The following COL25A1 variants were observed in gnomAD, a reference collection of about 807,000 sequenced individuals.
The protein encoded by COL25A1 is collagen type XXV alpha 1 chain, also known as collagen alpha-1(XXV) chain.
A neutral mutation model predicts 128.4 loss-of-function variants in COL25A1; 103 were observed. The ratio of observed to expected loss-of-function variants is 0.80; its 90% CI spans 0.68 to 0.94. The LOEUF (loss-of-function observed/expected upper bound fraction) is 0.94, where lower values mean the gene tolerates loss of function less well. Among genes scored for constraint, COL25A1 ranks in the 40% least tolerant of loss-of-function variants. The probability of loss-of-function intolerance (pLI) is 0.00; values close to 1 mark genes in which losing one functional copy is unlikely to be tolerated. For missense variants in COL25A1, 745 were observed against 840.0 expected (o/e 0.89, Z 1.40); for synonymous variants, 279 against 277.2 (o/e 1.01, Z -0.06).
chr4:108,944,015 C>T (rs1407115122), intron 8 of COL25A1, among the ~76,000 whole-genome samples: 2 of 152,126 alleles, frequency 1.3e-5, no homozygotes, highest in African/African-American at 4.8e-5. Context: ...CCCCCACATT[C>T]CTCATATTAG....
chr4:109,138,001 T>TGTGTGTGTGA (rs1769972641), intron 3 of COL25A1, among the ~76,000 whole-genome samples: 2 of 151,924 alleles, frequency 1.3e-5, no homozygotes, highest in African/African-American at 2.4e-5. Flanking sequence ...TGTGTGTGTG[T>TGTGTGTGTGA]GTGTGTGTGT....
chr4:108,844,425 A>G, intron 30 of COL25A1, 94 bp downstream of exon 30: 2 of 1,607,482 alleles, frequency 1.2e-6, no homozygotes, highest in Non-Finnish European at 1.7e-6. Flanking sequence ...GTAGTACAAA[A>G]TACAAGCTGG....
intron 33 of COL25A1, among the ~76,000 whole-genome samples, chr4:108,825,470 G>A: frequency 6.6e-6 from 1 of 152,192 alleles, no homozygotes; most frequent in South Asian, 2.1e-4. Flanking sequence ...TAAGTTATCA[G>A]TCCAGGAGTT....
rs141177422 is a variant in COL25A1, at chr4:109,105,139, C to T, written c.368-54960G>A. Among the ~76,000 whole-genome samples the T allele has an allele frequency of 2.0e-5, 3 of 152,104 alleles. No individual in the cohort carries two copies. In the South Asian group the frequency reaches 6.2e-4, roughly 32 times the overall value. On this transcript the variant is annotated intron_variant, in intron 3 of 37. Coordinates refer to ENST00000399132, the MANE Select transcript of COL25A1 (RefSeq NM_198721.4). ...GGATAAATTATTTTGTGAAGCTACT[C>T]TAAATACTTTTGCATTTGTTTTTAT...
intron 3 of COL25A1, among the ~76,000 whole-genome samples, chr4:109,083,396 C>T (rs1046571520): frequency 6.8e-6 from 1 of 147,568 alleles, no homozygotes; most frequent in Admixed American, 6.9e-5. Flanking sequence ...TCTTTAACTG[C>T]TATTTAGTAT....
chr4:109,152,969 G>C (rs964328674), intron 3 of COL25A1, among the ~76,000 whole-genome samples: 1 of 152,088 alleles, frequency 6.6e-6, no homozygotes. Flanking sequence ...GGTGATGGTT[G>C]CATGACAACC....
At chr4:108,940,402 T>C (rs1430353913) in intron 10 of COL25A1, 137 bp downstream of exon 10, 1 of 756,646 alleles carries the variant, frequency 1.3e-6, no homozygotes, top group East Asian at 2.5e-5. Flanking sequence ...ACTCCACTCA[T>C]CATCCCACTT....
chr4:109,112,706 C>G (rs970981586), intron 3 of COL25A1, among the ~76,000 whole-genome samples: 7 of 151,974 alleles, frequency 4.6e-5, no homozygotes, highest in African/African-American at 1.7e-4. Context: ...ATGTTTAAGA[C>G]AACCTGAAAA....
At chr4:109,185,810 C>T (rs926338217) in intron 3 of COL25A1, among the ~76,000 whole-genome samples, 2 of 152,150 alleles carry the variant, frequency 1.3e-5, no homozygotes, top group Admixed American at 6.5e-5. Flanking sequence ...CTTTCTTCCT[C>T]TCTCTCCCTC....
intron 3 of COL25A1, among the ~76,000 whole-genome samples, chr4:109,143,835 C>T (rs1054714708): frequency 1.3e-5 from 2 of 152,170 alleles, no homozygotes; most frequent in Non-Finnish European, 1.5e-5. Flanking sequence ...CATTGGGTTA[C>T]AGCATGCTCC....
At chr4:109,240,130 G>A (rs999364096) in intron 3 of COL25A1, among the ~76,000 whole-genome samples, 2 of 151,958 alleles carry the variant, frequency 1.3e-5, no homozygotes, top group African/African-American at 4.8e-5. Context: ...TAATAAGTAG[G>A]GGAGCAGTCT....
intron 3 of COL25A1, among the ~76,000 whole-genome samples, chr4:109,103,342 T>TG (rs76643086): frequency 0.12 from 18,773 of 152,164 alleles, 1,707 homozygotes; most frequent in East Asian, 0.29. Context: ...TCAGTGAGAC[T>TG]GCAATCAATG....
At chr4:109,231,671 G>A (rs1338379852) in intron 3 of COL25A1, among the ~76,000 whole-genome samples, 1 of 152,056 alleles carries the variant, frequency 6.6e-6, no homozygotes, top group Non-Finnish European at 1.5e-5. Flanking sequence ...AAACTAAATG[G>A]GATTTTCTAA....
At chr4:109,141,848 GTCTA>G (rs532877217) in intron 3 of COL25A1, among the ~76,000 whole-genome samples, 71 of 152,030 alleles carry the variant, frequency 4.7e-4, no homozygotes, top group Admixed American at 7.9e-4. Context: ...CTGGCTAGTG[GTCTA>G]TCTGTTAATC....
intron 3 of COL25A1, among the ~76,000 whole-genome samples, chr4:109,261,621 T>C (rs573435939): frequency 6.6e-6 from 1 of 152,266 alleles, no homozygotes; most frequent in Admixed American, 6.5e-5. Flanking sequence ...GTTATGGTGC[T>C]CCCATAGCAG....
At chr4:108,854,204 T>C (rs2125777831) in intron 24 of COL25A1, 1 of 152,202 alleles carries the variant, frequency 6.6e-6, no homozygotes, top group African/African-American at 2.4e-5. Context: ...TTAAACCTTA[T>C]ACAAAAATTA....
At chr4:109,147,219 T>C (rs938055353) in intron 3 of COL25A1, among the ~76,000 whole-genome samples, 2 of 152,338 alleles carry the variant, frequency 1.3e-5, no homozygotes, top group East Asian at 1.9e-4. Flanking sequence ...GGCTTCTAAA[T>C]TGCAAACACA....
chr4:108,825,035 A>G (rs1472129024), intron 34 of COL25A1, among the ~76,000 whole-genome samples, 161 bp downstream of exon 34: 1 of 152,152 alleles, frequency 6.6e-6, no homozygotes, highest in Non-Finnish European at 1.5e-5. Context: ...TATCTCATGC[A>G]AACACTAGTG....
At chr4:108,907,841 G>C (rs1578729544) in intron 13 of COL25A1, among the ~76,000 whole-genome samples, 2 of 152,112 alleles carry the variant, frequency 1.3e-5, no homozygotes, top group Admixed American at 6.5e-5. Flanking sequence ...CATAATACCA[G>C]CTGTTCCACA....
Sources: gnomAD v4.1 joint callset for allele counts (sites outside exome capture counted in the v4.1 genomes callset) on GRCh38, gnomAD v4.1.1 for gene constraint, MANE v1.5 for transcripts, NCBI Gene and HGNC (gene_info 2026-07-23, HGNC 2026-07-21) for gene names.